Variants in PEX14 observed in about 807,000 individuals in gnomAD.
The protein encoded by PEX14 is peroxisomal membrane protein PEX14.
Under a neutral mutation model 49.5 loss-of-function variants are expected in PEX14, and 15 were observed. That is an observed-to-expected ratio of 0.30 (90% CI 0.20 to 0.47). The LOEUF (loss-of-function observed/expected upper bound fraction) is 0.47. Among genes scored for constraint, PEX14 ranks in the 20% least tolerant of loss-of-function variants. The pLI, the probability that PEX14 is intolerant of heterozygous loss-of-function variation, is 1.00. For synonymous variants in PEX14, 210 were observed against 212.7 expected, an observed-to-expected ratio of 0.99 and a Z score of 0.11; for missense variants, 398 against 494.8, an observed-to-expected ratio of 0.80 and a Z score of 1.86.
chr1:10,551,543 C>T (rs541983819), intron 3 of PEX14, among the ~76,000 whole-genome samples: 106 of 152,256 alleles, frequency 7.0e-4, no homozygotes, highest in Middle Eastern at 3.4e-3. Context: ...ATGTATTTCA[C>T]GCATACTGCC....
chr1:10,537,341 A>AACCCCCC (rs1553187430), intron 3 of PEX14, among the ~76,000 whole-genome samples: 12 of 28,450 alleles, frequency 4.2e-4, no homozygotes, highest in Admixed American at 1.2e-3. Context: ...TTGTGCCAGC[A>AACCCCCC]CCCCCCCCCC....
chr1:10,570,997 C>T (rs1373013933), intron 3 of PEX14, among the ~76,000 whole-genome samples: 4 of 149,582 alleles, frequency 2.7e-5, no homozygotes, highest in South Asian at 2.1e-4. Flanking sequence ...TACAGGCACA[C>T]GCCACCACGC....
intron 3 of PEX14, among the ~76,000 whole-genome samples, chr1:10,595,254 T>C (rs1198525022): frequency 6.6e-6 from 1 of 152,172 alleles, no homozygotes; most frequent in Non-Finnish European, 1.5e-5. Flanking sequence ...CAGGTAACTA[T>C]GATGTGAAAA....
chr1:10,585,646 G>A (rs916935666), intron 3 of PEX14, among the ~76,000 whole-genome samples: 1 of 152,234 alleles, frequency 6.6e-6, no homozygotes, highest in Non-Finnish European at 1.5e-5. Context: ...AAGGCCAGGC[G>A]TGGTGGCTCA....
chr1:10,577,708 C>T (rs1214279386), intron 3 of PEX14, among the ~76,000 whole-genome samples: 1 of 145,696 alleles, frequency 6.9e-6, no homozygotes, highest in African/African-American at 2.6e-5. Context: ...TCACGCCATT[C>T]TCCTGCCTCA....
intron 3 of PEX14, among the ~76,000 whole-genome samples, chr1:10,585,653 C>G (rs111781145): frequency 6.6e-6 from 1 of 152,220 alleles, no homozygotes; most frequent in African/African-American, 2.4e-5. Flanking sequence ...GGCGTGGTGG[C>G]TCACACCTAT....
intron 1 of PEX14, among the ~76,000 whole-genome samples, chr1:10,475,230 G>A (rs935459374): frequency 7.3e-5 from 11 of 151,030 alleles, no homozygotes; most frequent in African/African-American, 2.4e-4. Flanking sequence ...GTTTGGCTGT[G>A]CCCCCGGGTC....
chr1:10,484,418 C>T lies in PEX14; in HGVS notation c.36+9416C>T, dbSNP rs530880839. Among the ~76,000 whole-genome samples the T allele has an allele frequency of 1.1e-4, 17 of 151,882 alleles. No homozygotes were observed. In the East Asian group the frequency reaches 3.3e-3, roughly 29 times the overall value. On this transcript the variant is annotated intron_variant, in intron 1 of 8. Coordinates refer to ENST00000356607, the MANE Select transcript of PEX14 (RefSeq NM_004565.3). ...CAACTCCTGACCTCATGTGATCCAA[C>T]TGCCTTGGCCTCCCAATGTGTTGGG...
chr1:10,617,221 T>G (rs984478566), intron 4 of PEX14: 3 of 152,184 alleles, frequency 2.0e-5, no homozygotes, highest in African/African-American at 7.2e-5. Flanking sequence ...CCTGAGACAT[T>G]GCCCCACTCC....
intron 1 of PEX14, among the ~76,000 whole-genome samples, chr1:10,486,274 C>A (rs1641365865): frequency 6.6e-6 from 1 of 151,286 alleles, no homozygotes; most frequent in Non-Finnish European, 1.5e-5. Context: ...TTTTAGTCTT[C>A]TACAGTTAAG....
At chr1:10,565,621 T>C (rs562825887) in intron 3 of PEX14, among the ~76,000 whole-genome samples, 1 of 152,270 alleles carries the variant, frequency 6.6e-6, no homozygotes, top group South Asian at 2.1e-4. Context: ...TGACTATTCA[T>C]GTATTTTACC....
At chr1:10,620,786 G>A (rs1167339248) in intron 5 of PEX14, among the ~76,000 whole-genome samples, 2 of 152,244 alleles carry the variant, frequency 1.3e-5, no homozygotes, top group African/African-American at 2.4e-5. Context: ...GTGAAAGAGC[G>A]AGACTTTGTC....
intron 5 of PEX14, 31 bp from the exon 6 acceptor site, chr1:10,622,988 T>C (rs1289108910): frequency 1.4e-6 from 2 of 1,440,518 alleles, no homozygotes; most frequent in Non-Finnish European, 1.9e-6. Context: ...CGGGTCCGTA[T>C]GCATTCCTCA....
intron 2 of PEX14, among the ~76,000 whole-genome samples, chr1:10,522,613 C>T (rs2124457522): frequency 6.6e-6 from 1 of 152,324 alleles, no homozygotes; most frequent in South Asian, 2.1e-4. Flanking sequence ...TTTGACTTTA[C>T]AAGTGGCTGG....
At chr1:10,619,843 C>T (rs1386294385) in intron 5 of PEX14, among the ~76,000 whole-genome samples, 1 of 152,124 alleles carries the variant, frequency 6.6e-6, no homozygotes, top group African/African-American at 2.4e-5. Flanking sequence ...CGGTGGCTCA[C>T]GCCTGTAATC....
intron 3 of PEX14, among the ~76,000 whole-genome samples, chr1:10,549,660 A>G (rs998613110): frequency 4.6e-5 from 7 of 152,168 alleles, no homozygotes; most frequent in South Asian, 2.1e-4. Context: ...GAAATGTTTC[A>G]GTTTGGATTT....
At position 10,520,946 on chromosome 1, in the gene PEX14, C is replaced by T. The variant is rs1638269161; in HGVS notation, c.85-15267C>T. ...GACATACTCTTGAAAGCTTTATCTT[C>T]TCTTTTTCTATCCTCTGCTCTTTGC... On this transcript the variant is annotated intron_variant, in intron 2 of 8. Transcript: ENST00000356607. 2.0e-5 allele frequency among the ~76,000 whole-genome samples: 3 copies of T among 149,764 alleles called. No individual in the cohort carries two copies. The South Asian group carries it at 6.4e-4, about 32-fold the overall frequency.
chr1:10,596,431 A>G (rs1017807494), intron 3 of PEX14, among the ~76,000 whole-genome samples: 1 of 152,226 alleles, frequency 6.6e-6, no homozygotes, highest in African/African-American at 2.4e-5. Context: ...ATGTAGCCCC[A>G]AAACAATATT....
chr1:10,593,460 T>G (rs568565183), intron 3 of PEX14, among the ~76,000 whole-genome samples: 1 of 152,194 alleles, frequency 6.6e-6, no homozygotes, highest in Non-Finnish European at 1.5e-5. Flanking sequence ...AAGTCTCAGG[T>G]CTTGTTCTTG....
Sources: gnomAD v4.1 joint callset for allele counts (sites outside exome capture counted in the v4.1 genomes callset) on GRCh38, gnomAD v4.1.1 for gene constraint, MANE v1.5 for transcripts, NCBI Gene and HGNC (gene_info 2026-07-23, HGNC 2026-07-21) for gene names.